The following MSRB2 variants were observed in gnomAD, a reference collection of about 807,000 sequenced individuals.
The protein encoded by MSRB2 is methionine-R-sulfoxide reductase B2, mitochondrial.
A neutral mutation model predicts 19.0 loss-of-function variants in MSRB2; 17 were observed. That is an observed-to-expected ratio of 0.89 (90% confidence interval 0.61 to 1.34). MSRB2 has a LOEUF of 1.34. Among genes scored for constraint, MSRB2 ranks in the 40% most tolerant of loss-of-function variants. The pLI, the probability that MSRB2 is intolerant of heterozygous loss-of-function variation, is 0.00. For synonymous variants in MSRB2, 107 were observed against 99.7 expected (o/e 1.07, Z -0.44); for missense variants, 208 against 237.6 (o/e 0.88, Z 0.82).
chr10:23,119,708 C>T lies in MSRB2; in HGVS notation c.444+257C>T, dbSNP rs981263956. Among the ~76,000 whole-genome samples the T allele has an allele frequency of 2.0e-4, 31 of 152,112 alleles. 1 individual carries two copies. Among genetic ancestry groups the T allele is most frequent in the Non-Finnish European group, 2.8e-4 (19 of 68,030 alleles). The stretch of plus-strand genomic sequence containing the variant: ...AGCCTCCACCTCCTGAGTTCAAGTG[C>T]CTCAGCCTCCCGAGTAGTTGGGATT... On this transcript the variant is annotated intron_variant, in intron 4 of 4. Transcript: ENST00000376510.
chr10:23,100,807 C>T (rs867606354), intron 1 of MSRB2, among the ~76,000 whole-genome samples: 3 of 152,274 alleles, frequency 2.0e-5, no homozygotes, highest in Middle Eastern at 3.4e-3. Context: ...CAAACCATAT[C>T]AGAGGCAGTC....
chr10:23,110,182 G>C, intron 2 of MSRB2, 60 bp from the exon 3 acceptor site: 11 of 1,367,318 alleles, frequency 8.0e-6, no homozygotes, highest in Non-Finnish European at 1.0e-5. Context: ...TAAATCTGCT[G>C]TTTCAACTCC....
At position 23,119,478 on chromosome 10, in the gene MSRB2, T is replaced by G. The variant is rs1168569996; in HGVS notation, c.444+27T>G. On this transcript the variant is annotated intron_variant, in intron 4 of 4. Coordinates refer to ENST00000376510, the MANE Select transcript of MSRB2 (RefSeq NM_012228.4). ...TGAGGTTTCTCATTTTGTTTTACTT[T>G]CCCTGATGCTGCCCCCAATGCCACA... The G allele has an allele frequency of 1.9e-6, 3 of 1,606,046 alleles. No homozygotes were observed. In the Admixed American group the frequency reaches 5.0e-5, roughly 27 times the overall value.
chr10:23,121,277 G>T lies in MSRB2; in HGVS notation c.*415G>T, dbSNP rs145203401. 8.2e-4 allele frequency: 136 copies of T among 166,484 alleles called. 2 individuals are homozygous for T. Among genetic ancestry groups the T allele is most frequent in the Admixed American group, 2.7e-3 (46 of 17,150 alleles). The allele number at this position is 166,484 out of a possible 1,614,324, so 10.3% of individuals were successfully genotyped here. A position where few individuals can be genotyped will look rare whatever the true frequency, so the allele number is the denominator to read the frequency against. ...AGGGAGCTTTTACTCATGGCAGAAG[G>T]TGAAGGGGGAGCCGGCGTCTCACAT... On this transcript the variant is annotated 3_prime_UTR_variant, in exon 5 of 5. Transcript: ENST00000376510.
intron 2 of MSRB2, among the ~76,000 whole-genome samples, chr10:23,106,372 C>T (rs1054009699): frequency 6.6e-6 from 1 of 152,204 alleles, no homozygotes; most frequent in Non-Finnish European, 1.5e-5. Context: ...TGTGCTAGCA[C>T]TCTGCTAGAC....
At chr10:23,101,916 A>G (rs1315697800) in intron 1 of MSRB2, among the ~76,000 whole-genome samples, 1 of 152,192 alleles carries the variant, frequency 6.6e-6, no homozygotes, top group African/African-American at 2.4e-5. Context: ...CCCCCTGGTA[A>G]TCTTCTGACA....
At chr10:23,111,766 G>T (rs375143285) in intron 3 of MSRB2, among the ~76,000 whole-genome samples, 2 of 152,186 alleles carry the variant, frequency 1.3e-5, no homozygotes, top group East Asian at 3.9e-4. Context: ...GGCTAGCATG[G>T]CTGAGAAGCT....
intron 2 of MSRB2, among the ~76,000 whole-genome samples, chr10:23,105,245 T>C (rs2098919929): frequency 6.6e-6 from 1 of 151,596 alleles, no homozygotes; most frequent in Non-Finnish European, 1.5e-5. Flanking sequence ...TGTGTGTGTA[T>C]ACAAGTTTCT....
chr10:23,096,348 C>CTGTGTGTG (rs1471780853), intron 1 of MSRB2, among the ~76,000 whole-genome samples: 1 of 58,418 alleles, frequency 1.7e-5, no homozygotes, highest in African/African-American at 7.7e-5. Flanking sequence ...GTCTCTCTCT[C>CTGTGTGTG]TCTCTGTGTG....
intron 1 of MSRB2, 132 bp downstream of exon 1, chr10:23,095,858 TCC>T (rs55816790): frequency 9.5e-4 from 373 of 393,390 alleles, no homozygotes; most frequent in South Asian, 1.1e-3. Flanking sequence ...GGCGCGCCCC[TCC>T]CCCCCCCCAG....
At chr10:23,117,113 A>ATACT (rs1319826024) in intron 3 of MSRB2, among the ~76,000 whole-genome samples, 1 of 152,186 alleles carries the variant, frequency 6.6e-6, no homozygotes, top group Non-Finnish European at 1.5e-5. Flanking sequence ...TTTTTAGTTT[A>ATACT]TACTTATCTA....
chr10:23,111,163 C>A (rs1285955160), intron 3 of MSRB2, among the ~76,000 whole-genome samples: 1 of 152,204 alleles, frequency 6.6e-6, no homozygotes, highest in Non-Finnish European at 1.5e-5. Context: ...GAAGCCGGAC[C>A]CGCCTGCAAG....
At chr10:23,119,591 T>A in intron 4 of MSRB2, 140 bp downstream of exon 4, 1 of 1,070,036 alleles carries the variant, frequency 9.3e-7, no homozygotes, top group Non-Finnish European at 1.3e-6. Flanking sequence ...TCTTTTTTGT[T>A]TTGCTTTGTT....
chr10:23,104,390 G>A (rs1249457299), intron 2 of MSRB2, 146 bp downstream of exon 2: 3 of 588,720 alleles, frequency 5.1e-6, no homozygotes, highest in Non-Finnish European at 8.8e-6. Context: ...TCGGGGTGTT[G>A]ATATCCATCG....
chr10:23,099,813 G>T (rs1242303174), intron 1 of MSRB2, among the ~76,000 whole-genome samples: 4 of 152,256 alleles, frequency 2.6e-5, no homozygotes, highest in Admixed American at 1.3e-4. Context: ...ATATAGAGGT[G>T]TGGGAGAGGG....
At chr10:23,110,371 C>T in intron 3 of MSRB2, 53 bp downstream of exon 3, 1 of 1,410,892 alleles carries the variant, frequency 7.1e-7, no homozygotes, top group Non-Finnish European at 1.0e-6. Context: ...CAGGTTCTTA[C>T]TGCTTTGTTT....
intron 3 of MSRB2, among the ~76,000 whole-genome samples, chr10:23,112,684 G>A (rs926145545): frequency 6.6e-6 from 1 of 152,208 alleles, no homozygotes; most frequent in African/African-American, 2.4e-5. Flanking sequence ...TGCCTTCCAG[G>A]TTGAAGCGAT....
intron 1 of MSRB2, among the ~76,000 whole-genome samples, chr10:23,096,373 T>TGTGTGTGTGTGTGTGTGTGTGTGTGTGTG (rs3838757): frequency 2.2e-4 from 33 of 151,574 alleles, no homozygotes; most frequent in African/African-American, 4.4e-4. Flanking sequence ...TGTGTGTGTG[T>TGTGTGTGTGTGTGTGTGTGTGTGTGTGTG]TTCTGCTAAA....
chr10:23,100,962 A>ATGGTT (rs1301277773), intron 1 of MSRB2, among the ~76,000 whole-genome samples: 13 of 152,160 alleles, frequency 8.5e-5, no homozygotes, highest in African/African-American at 3.1e-4. Context: ...GATAGATACC[A>ATGGTT]TGGTTTGAGG....
Sources: allele counts gnomAD v4.1 joint callset (sites outside exome capture counted in the v4.1 genomes callset), GRCh38; gene constraint gnomAD v4.1.1; transcripts MANE v1.5; gene names NCBI Gene and HGNC (gene_info 2026-07-23, HGNC 2026-07-21).